ENPP1: variants seen among roughly 807,000 people sequenced by gnomAD.
The protein encoded by ENPP1 is ectonucleotide pyrophosphatase/phosphodiesterase family member 1.
Under a neutral mutation model 122.8 loss-of-function variants are expected in ENPP1, and 73 were observed. That is an observed-to-expected ratio of 0.59 (90% confidence interval 0.49 to 0.72). The LOEUF (loss-of-function observed/expected upper bound fraction) is 0.72. Among genes scored for constraint, ENPP1 ranks in the 30% least tolerant of loss-of-function variants. ENPP1 has a pLI of 0.00. For missense variants in ENPP1, 978 were observed against 1,128.1 expected (o/e 0.87, Z 1.91); for synonymous variants, 367 against 391.6 (o/e 0.94, Z 0.74).
intron 6 of ENPP1, among the ~76,000 whole-genome samples, chr6:131,857,558 C>G (rs1317062098): frequency 6.8e-6 from 1 of 148,100 alleles, no homozygotes; most frequent in Non-Finnish European, 1.5e-5. Flanking sequence ...GAACAAAAAA[C>G]CAAACACCAC....
intron 13 of ENPP1, 44 bp from the exon 14 acceptor site, chr6:131,872,026 T>C (rs776779584): frequency 3.7e-6 from 5 of 1,343,854 alleles, no homozygotes; most frequent in Non-Finnish European, 5.3e-6. Flanking sequence ...GTTTTAATTA[T>C]AGTATACAAT....
At chr6:131,808,303 CG>C in intron 1 of ENPP1, 28 bp downstream of exon 1, 1 of 1,485,234 alleles carries the variant, frequency 6.7e-7, no homozygotes, top group Non-Finnish European at 9.0e-7. Context: ...CCCCGGCGCC[CG>C]GGAGGGCTGG....
chr6:131,829,856 G>A (rs1781588660), intron 1 of ENPP1, among the ~76,000 whole-genome samples: 1 of 152,182 alleles, frequency 6.6e-6, no homozygotes, highest in Non-Finnish European at 1.5e-5. Flanking sequence ...ACCCGGAGCA[G>A]GGAGGACAAG....
intron 13 of ENPP1, among the ~76,000 whole-genome samples, chr6:131,871,398 C>T (rs188208406): frequency 3.0e-4 from 45 of 152,256 alleles, no homozygotes; most frequent in African/African-American, 1.0e-3. Context: ...TACTTGCCTT[C>T]TCTTTGAAGT....
At chr6:131,844,484 G>A (rs140445874) in intron 1 of ENPP1, among the ~76,000 whole-genome samples, 1 of 142,878 alleles carries the variant, frequency 7.0e-6, no homozygotes, top group East Asian at 1.9e-4. Context: ...TGCACAGACA[G>A]CAAAAGCATG....
chr6:131,825,770 G>A (rs1358501910), intron 1 of ENPP1, among the ~76,000 whole-genome samples: 3 of 152,112 alleles, frequency 2.0e-5, no homozygotes, highest in African/African-American at 7.2e-5. Flanking sequence ...ATATGATTAA[G>A]TTGATTTAAG....
At chr6:131,811,195 G>A (rs1781345237) in intron 1 of ENPP1, among the ~76,000 whole-genome samples, 1 of 151,812 alleles carries the variant, frequency 6.6e-6, no homozygotes, top group African/African-American at 2.4e-5. Context: ...CATTTCTCCA[G>A]TTAGCTCCTC....
At chr6:131,858,879 G>A in intron 7 of ENPP1, 132 bp downstream of exon 7, 3 of 732,692 alleles carry the variant, frequency 4.1e-6, no homozygotes, top group Admixed American at 2.1e-5. Flanking sequence ...GGAAACCCAG[G>A]TTCTGATCTT....
chr6:131,888,115 G>A (rs1321937927), intron 24 of ENPP1, among the ~76,000 whole-genome samples: 1 of 151,934 alleles, frequency 6.6e-6, no homozygotes, highest in Admixed American at 6.6e-5. Flanking sequence ...GCTGGCCTTA[G>A]CCTCCCAAAG....
intron 20 of ENPP1, among the ~76,000 whole-genome samples, chr6:131,880,884 A>C (rs986417777): frequency 6.6e-6 from 1 of 152,130 alleles, no homozygotes; most frequent in African/African-American, 2.4e-5. Context: ...TAGGCCTTGA[A>C]AGGAGTGAGG....
chr6:131,847,001 A>C (rs1398100239), intron 1 of ENPP1, among the ~76,000 whole-genome samples: 1 of 152,140 alleles, frequency 6.6e-6, no homozygotes, highest in Non-Finnish European at 1.5e-5. Flanking sequence ...CCAACCCTTA[A>C]ATTTTATAGA....
intron 8 of ENPP1, among the ~76,000 whole-genome samples, chr6:131,861,365 A>G (rs1019447155): frequency 7.9e-5 from 12 of 152,182 alleles, no homozygotes; most frequent in African/African-American, 2.4e-4. Context: ...GACAACTGTT[A>G]ATTAGGGGAA....
intron 20 of ENPP1, among the ~76,000 whole-genome samples, 200 bp from the exon 21 acceptor site, chr6:131,882,145 T>C (rs1318272384): frequency 6.6e-6 from 1 of 151,872 alleles, no homozygotes; most frequent in Non-Finnish European, 1.5e-5. Context: ...AATATGACAA[T>C]TAATATCTTT....
At chr6:131,848,239 TA>T (rs1188833460) in intron 2 of ENPP1, among the ~76,000 whole-genome samples, 1 of 152,224 alleles carries the variant, frequency 6.6e-6, no homozygotes, top group Non-Finnish European at 1.5e-5. Context: ...CTTAAGGTTC[TA>T]AAATTGCAGA....
intron 11 of ENPP1, among the ~76,000 whole-genome samples, chr6:131,865,603 G>T (rs538191793): frequency 2.6e-5 from 4 of 152,126 alleles, no homozygotes; most frequent in African/African-American, 4.8e-5. Flanking sequence ...CAGTTTTCAC[G>T]TGGCCATATC....
intron 6 of ENPP1, 115 bp downstream of exon 6, chr6:131,855,138 T>C: frequency 1.3e-6 from 1 of 782,352 alleles, no homozygotes. Context: ...TAAACTTTTC[T>C]ATGGCAAAGT....
At chr6:131,833,408 T>C (rs1003995538) in intron 1 of ENPP1, among the ~76,000 whole-genome samples, 4 of 152,216 alleles carry the variant, frequency 2.6e-5, no homozygotes, top group Non-Finnish European at 5.9e-5. Flanking sequence ...TTGATTTTTA[T>C]ACCCTATTAT....
Position 131,864,567 on chromosome 6 carries a change from G to A in ENPP1, c.1087G>A (p.Glu363Lys). Residue 363 changes from glutamate (E) to lysine (K), a missense_variant, in exon 10 of 25, where the codon GAA (glutamate) becomes AAA (lysine). Coordinates refer to ENST00000647893, the MANE Select transcript of ENPP1 (RefSeq NM_006208.3). Reference protein sequence around the residue: ...VLQWLQLPKDERPHFYTLYLE... With the variant: ...VLQWLQLPKDKRPHFYTLYLE... ...TCAGTGGCTACAGCTTCCTAAAGAT[G>A]AAAGGTCTGTAGGCAATTAATTTCT... 1 of 1,599,312 alleles carries A rather than the reference G, an allele frequency of 6.3e-7. No homozygotes were observed. Among genetic ancestry groups the A allele is most frequent in the Non-Finnish European group, 8.6e-7 (1 of 1,166,894 alleles).
At chr6:131,811,018 G>A (rs975289026) in intron 1 of ENPP1, among the ~76,000 whole-genome samples, 1 of 152,206 alleles carries the variant, frequency 6.6e-6, no homozygotes, top group South Asian at 2.1e-4. Flanking sequence ...CTCTACATGT[G>A]TCAGTAGGTA....
Sources: allele counts gnomAD v4.1 joint callset (sites outside exome capture counted in the v4.1 genomes callset), GRCh38; gene constraint gnomAD v4.1.1; transcripts MANE v1.5; gene names NCBI Gene and HGNC (gene_info 2026-07-23, HGNC 2026-07-21).